The following CARF variants were observed in gnomAD, a reference collection of about 807,000 sequenced individuals.
CARF encodes the protein calcium-responsive transcription factor.
Under a neutral mutation model 82.0 loss-of-function variants are expected in CARF, and 57 were observed. The ratio of observed to expected loss-of-function variants is 0.70; its 90% CI spans 0.56 to 0.87. The LOEUF is 0.87. CARF is among the 40% of genes least tolerant of loss of function. The pLI is 0.00. For missense variants in CARF, 771 were observed against 855.8 expected, an observed-to-expected ratio of 0.90 and a Z score of 1.24; for synonymous variants, 268 against 290.1, an observed-to-expected ratio of 0.92 and a Z score of 0.77.
At chr2:202,941,473 TA>T (rs1446131803) in intron 3 of CARF, among the ~76,000 whole-genome samples, 1 of 152,214 alleles carries the variant, frequency 6.6e-6, no homozygotes, top group Non-Finnish European at 1.5e-5. Context: ...TAAAATTATA[TA>T]CTGCTACAAT....
In CARF at chr2:202,971,563, T is replaced by G; in HGVS notation, c.1156T>G (p.Cys386Gly). The G allele has an allele frequency of 6.2e-7, 1 of 1,613,738 alleles. No homozygotes were observed. Among genetic ancestry groups the G allele is most frequent in the East Asian group, 2.2e-5 (1 of 44,772 alleles). Residue 386 changes from cysteine to glycine, a missense_variant, in exon 12 of 17, where the codon TGC (cysteine) becomes GGC (glycine). Coordinates refer to ENST00000438828, the MANE Select transcript of CARF (RefSeq NM_024744.17). ...AHQYHELETP[C>G]LTLSPSPFPV... ...TCAGTATCATGAATTAGAGACTCCCTGCCTCACTTTGTCACCTTCTCCTTT... is the reference window on the plus strand; with the variant it reads ...TCAGTATCATGAATTAGAGACTCCCGGCCTCACTTTGTCACCTTCTCCTTT...
chr2:202,941,329 A>G (rs1351280579), intron 3 of CARF, among the ~76,000 whole-genome samples: 3 of 152,124 alleles, frequency 2.0e-5, no homozygotes, highest in East Asian at 1.9e-4. Context: ...TTATTGGTAT[A>G]TATTTCTTCA....
intron 3 of CARF, chr2:202,925,870 T>C: frequency 5.4e-6 from 1 of 186,830 alleles, no homozygotes; most frequent in Non-Finnish European, 1.1e-5. Flanking sequence ...AGAACATGAG[T>C]ATCCATACAG....
chr2:202,928,608 C>G (rs371320145), intron 3 of CARF, among the ~76,000 whole-genome samples: 1 of 152,250 alleles, frequency 6.6e-6, no homozygotes, highest in African/African-American at 2.4e-5. Flanking sequence ...CCCTTTTCTC[C>G]AAATCCTTGC....
At chr2:202,948,635 T>G (rs1435424469) in intron 5 of CARF, among the ~76,000 whole-genome samples, 2 of 152,242 alleles carry the variant, frequency 1.3e-5, no homozygotes, top group Admixed American at 6.5e-5. Flanking sequence ...CTTCCTAGTT[T>G]GGCCCTTGTC....
At chr2:202,921,339 T>C (rs1690755291) in intron 2 of CARF, among the ~76,000 whole-genome samples, 1 of 152,218 alleles carries the variant, frequency 6.6e-6, no homozygotes, top group East Asian at 1.9e-4. Context: ...TTTAGATCTA[T>C]GTAAACACCT....
chr2:202,932,196 A>G (rs1255539843), intron 3 of CARF, among the ~76,000 whole-genome samples: 1 of 152,100 alleles, frequency 6.6e-6, no homozygotes, highest in African/African-American at 2.4e-5. Flanking sequence ...CCATGATCCA[A>G]TCACCTCCCA....
intron 12 of CARF, chr2:202,973,556 G>T (rs182789878): frequency 9.6e-5 from 35 of 366,136 alleles, no homozygotes; most frequent in African/African-American, 7.2e-4. Context: ...CATAACCTGG[G>T]TATAGGCCCA....
chr2:202,983,328 T>A (rs2060341632), intron 16 of CARF, among the ~76,000 whole-genome samples, 178 bp from the exon 17 acceptor site: 1 of 152,236 alleles, frequency 6.6e-6, no homozygotes, highest in African/African-American at 2.4e-5. Flanking sequence ...CTTTATCTGT[T>A]ACTTCTTTGC....
At chr2:202,918,493 G>A (rs1418827293) in intron 2 of CARF, among the ~76,000 whole-genome samples, 1 of 152,070 alleles carries the variant, frequency 6.6e-6, no homozygotes, top group Non-Finnish European at 1.5e-5. Context: ...GAGTGCCACT[G>A]CACTCCAGTA....
chr2:202,918,848 G>T (rs1047132535), intron 2 of CARF, among the ~76,000 whole-genome samples: 1 of 152,118 alleles, frequency 6.6e-6, no homozygotes, highest in Non-Finnish European at 1.5e-5. Flanking sequence ...TTTCCGTATA[G>T]AAACTACTTT....
chr2:202,914,646 G>T (rs1171541126), intron 1 of CARF, among the ~76,000 whole-genome samples: 1 of 151,878 alleles, frequency 6.6e-6, no homozygotes, highest in Non-Finnish European at 1.5e-5. Context: ...AGGCATGGTG[G>T]GGGGTGCCTA....
chr2:202,941,812 A>G, intron 3 of CARF, 48 bp from the exon 4 acceptor site: 2 of 969,390 alleles, frequency 2.1e-6, no homozygotes. Context: ...AAAACAGTCC[A>G]CAAAAATACT....
intron 6 of CARF, 32 bp downstream of exon 6, chr2:202,952,711 AGT>A: frequency 6.3e-7 from 1 of 1,576,666 alleles, no homozygotes. Context: ...GGGATTTGAG[AGT>A]GTTTTAAAAA....
At chr2:202,958,677 C>T (rs114110842) in intron 8 of CARF, among the ~76,000 whole-genome samples, 13,567 of 151,916 alleles carry the variant, frequency 0.089, 743 homozygotes, top group Non-Finnish European at 0.13. Context: ...GAGGTTGAGG[C>T]GGGTGGATCA....
intron 2 of CARF, among the ~76,000 whole-genome samples, chr2:202,920,179 G>A (rs1250325233): frequency 3.3e-5 from 5 of 150,052 alleles, no homozygotes; most frequent in Non-Finnish European, 7.4e-5. Context: ...TTTTGAGACG[G>A]GGTCTCGCTC....
chr2:202,974,353 C>G lies in CARF; in HGVS notation c.1351C>G (p.Leu451Val). Residue 451 changes from leucine to valine, a missense_variant, in exon 13 of 17, where the codon CTG becomes GTG. Transcript: ENST00000438828. ...TTACAGAAAATTTGTGGAAAGGGAA[C>G]TGTTCAAACCCGATGAGGTACCTGA... is the stretch of plus-strand genomic sequence containing the variant. ...KQLRKFVERE[L>V]FKPDEVPERH... 1 of 1,584,298 alleles carries G rather than the reference C, an allele frequency of 6.3e-7. No individual in the cohort carries two copies. Among genetic ancestry groups the G allele is most frequent in the Non-Finnish European group, 8.5e-7 (1 of 1,172,180 alleles).
chr2:202,958,192 G>A (rs955260797), intron 8 of CARF, among the ~76,000 whole-genome samples: 16 of 150,264 alleles, frequency 1.1e-4, no homozygotes, highest in Non-Finnish European at 1.9e-4. Flanking sequence ...TATTACATTT[G>A]TTAGGACATT....
At chr2:202,944,888 G>A (rs2058418022) in intron 5 of CARF, among the ~76,000 whole-genome samples, 1 of 150,850 alleles carries the variant, frequency 6.6e-6, no homozygotes, top group East Asian at 1.9e-4. Flanking sequence ...GTTTATTTGA[G>A]TCCAAAAAAA....
Sources: allele counts gnomAD v4.1 joint callset (sites outside exome capture counted in the v4.1 genomes callset), GRCh38; gene constraint gnomAD v4.1.1; transcripts MANE v1.5; gene names NCBI Gene and HGNC (gene_info 2026-07-23, HGNC 2026-07-21).